Variants in KAT7 observed in about 807,000 individuals in gnomAD.
KAT7 encodes the protein lysine acetyltransferase 7, also known as histone acetyltransferase KAT7.
A neutral mutation model predicts 82.1 loss-of-function variants in KAT7; 10 were observed. The ratio of observed to expected loss-of-function variants is 0.12; its 90% confidence interval spans 0.08 to 0.21. KAT7 has a LOEUF of 0.21. Among genes scored for constraint, KAT7 ranks in the 10% least tolerant of loss-of-function variants. The probability of loss-of-function intolerance (pLI) is 1.00; values close to 1 mark genes in which losing one functional copy is unlikely to be tolerated. For synonymous variants in KAT7, 250 were observed against 262.5 expected (o/e 0.95, Z 0.46); for missense variants, 378 against 760.9 (o/e 0.50, Z 5.92).
intron 2 of KAT7, chr17:49,795,353 TG>T: frequency 5.1e-6 from 1 of 194,942 alleles, no homozygotes. Context: ...ATGGTGTTGT[TG>T]GAGAGTGAGC....
At chr17:49,799,283 A>G (rs2073993665) in intron 4 of KAT7, among the ~76,000 whole-genome samples, 1 of 152,176 alleles carries the variant, frequency 6.6e-6, no homozygotes, top group Non-Finnish European at 1.5e-5. Context: ...CTACTTCTCA[A>G]ATTCACCCTT....
At position 49,817,957 on chromosome 17, in the gene KAT7, G is replaced by A; in HGVS notation, c.1101G>A (p.Met367Ile). Residue 367 changes from methionine (M) to isoleucine (I), a missense_variant, in exon 9 of 15, where the codon ATG becomes ATA. Coordinates refer to ENST00000259021, the MANE Select transcript of KAT7 (RefSeq NM_007067.5). ...EEYARLGRLY[M>I]CEFCLKYMKS... ...ATGCACGGCTGGGACGTCTCTATAT[G>A]TGTGAATTCTGTTTAAAATATATGA... 1 of 1,613,916 alleles carries A rather than the reference G, an allele frequency of 6.2e-7. No individual in the cohort carries two copies.
chr17:49,826,222 A>G, intron 13 of KAT7, 76 bp downstream of exon 13: 1 of 1,446,022 alleles, frequency 6.9e-7, no homozygotes, highest in Non-Finnish European at 9.6e-7. Context: ...TTTCCCCTGA[A>G]TGTGAGAACG....
intron 11 of KAT7, among the ~76,000 whole-genome samples, 166 bp from the exon 12 acceptor site, chr17:49,823,036 G>A (rs927014253): frequency 6.6e-6 from 1 of 152,152 alleles, no homozygotes; most frequent in African/African-American, 2.4e-5. Context: ...TAATGGCTTT[G>A]GCCATGATAA....
intron 12 of KAT7, chr17:49,823,668 C>T (rs907774478): frequency 5.0e-5 from 9 of 179,492 alleles, no homozygotes. Flanking sequence ...CCCAATGGAC[C>T]CTGTGCATAA....
chr17:49,805,409 C>T lies in KAT7; in HGVS notation c.627C>T (p.Cys209=), dbSNP rs766092689. The part of the protein sequence containing the change: ...KHERHFSISG[C]PLYHNLSADE... Reference sequence around the variant, plus strand: ...AGAGACATTTCTCCATCTCAGGATGCCCACTGTATCATAACCTCTCAGCTG... The same window carrying T: ...AGAGACATTTCTCCATCTCAGGATGTCCACTGTATCATAACCTCTCAGCTG... Residue 209 remains cysteine, a synonymous_variant, in exon 5 of 15, where the codon TGC becomes TGT. Coordinates refer to ENST00000259021, the MANE Select transcript of KAT7 (RefSeq NM_007067.5). The T allele has an allele frequency of 1.9e-6, 3 of 1,612,840 alleles. No individual in the cohort carries two copies. The highest frequency in any genetic ancestry group is 2.5e-6 in the Non-Finnish European group (3 of 1,178,898).
chr17:49,831,118 C>CA lies in KAT7; in HGVS notation c.*3622dup, dbSNP rs1439892813. ...GCAGCATGGTGAAACCCCAGCTCTA[C>CA]AAAAAATAGAAAAATCAGACGTGGG... On this transcript the variant is annotated 3_prime_UTR_variant, in exon 15 of 15. Transcript: ENST00000259021. 2 of 152,060 alleles carry CA rather than the reference C, an allele frequency of 1.3e-5. No homozygotes were observed. The highest frequency in any genetic ancestry group is 4.8e-5 in the African/African-American group (2 of 41,364). The allele number at this position is 152,060 out of a possible 1,614,324, so 9.4% of individuals were successfully genotyped here. A position where few individuals can be genotyped will look rare whatever the true frequency, so the allele number is the denominator to read the frequency against.
chr17:49,825,317 CCATT>C (rs1165470706), intron 12 of KAT7, among the ~76,000 whole-genome samples: 1 of 152,156 alleles, frequency 6.6e-6, no homozygotes. Context: ...TCTGTTCTTA[CCATT>C]CAAAGATTTA....
intron 4 of KAT7, among the ~76,000 whole-genome samples, chr17:49,802,538 C>T (rs1182217753): frequency 2.0e-5 from 3 of 151,868 alleles, no homozygotes; most frequent in Admixed American, 6.6e-5. Context: ...GTGGTGGCGG[C>T]GCTTGTAATC....
chr17:49,807,416 A>G (rs1431528544), intron 5 of KAT7, among the ~76,000 whole-genome samples: 3 of 152,206 alleles, frequency 2.0e-5, no homozygotes, highest in African/African-American at 7.2e-5. Flanking sequence ...AAGTAGAAGC[A>G]ACAGCAAGTG....
rs542226719 is a variant in KAT7, at chr17:49,792,092, A to T, written c.163+59A>T. On this transcript the variant is annotated intron_variant, in intron 2 of 14. Transcript: ENST00000259021. ...CACATCTGGCTGACTGGCCCATCAC[A>T]TTATTTTCCTAGTTAATGTGGAAAC... The T allele has an allele frequency of 2.5e-5, 38 of 1,543,470 alleles. No homozygotes were observed. In the East Asian group the frequency reaches 8.7e-4, roughly 35 times the overall value.
At chr17:49,810,384 G>C (rs1268099944) in intron 6 of KAT7, among the ~76,000 whole-genome samples, 1 of 152,122 alleles carries the variant, frequency 6.6e-6, no homozygotes, top group African/African-American at 2.4e-5. Flanking sequence ...AGTCTCCCAA[G>C]TAGCTGGGAT....
Position 49,798,377 on chromosome 17 carries a change from G to A in KAT7, c.399G>A (p.Ala133=), listed in dbSNP as rs753493946. 67 of 1,613,966 alleles carry A rather than the reference G, an allele frequency of 4.2e-5. No homozygotes were observed. The highest frequency in any genetic ancestry group is 3.4e-4 in the South Asian group (31 of 91,084). The change falls in exon 4 of 15, where the codon GCG becomes GCA. Residue 133 remains alanine (A), a synonymous_variant. Transcript: ENST00000259021. ...CGCCTCGAACTCCAACTGGAAATGC[G>A]CCTTCTTCTGAGTCTGACATAGACA... The part of the protein sequence containing the change: ...ESPPRTPTGN[A]PSSESDIDIS...
At chr17:49,801,885 A>T (rs1284279979) in intron 4 of KAT7, among the ~76,000 whole-genome samples, 1 of 152,212 alleles carries the variant, frequency 6.6e-6, no homozygotes, top group Non-Finnish European at 1.5e-5. Flanking sequence ...ATTAAGTAAA[A>T]ATTGCCCTTA....
intron 7 of KAT7, among the ~76,000 whole-genome samples, chr17:49,814,415 G>C (rs1236229513): frequency 6.6e-6 from 1 of 152,118 alleles, no homozygotes; most frequent in East Asian, 1.9e-4. Flanking sequence ...TTGTTAGAAG[G>C]GTAATAAGAC....
rs1269579059 is a variant in KAT7, at chr17:49,827,509, C to G, written c.*7C>G. On this transcript the variant is annotated 3_prime_UTR_variant, in exon 15 of 15. Coordinates refer to ENST00000259021, the MANE Select transcript of KAT7 (RefSeq NM_007067.5). ...CCCTCCCAAGGGCACTTAAAGTGAC[C>G]TGTCATTCCGAGCCAGCGAACCCCA... is the stretch of plus-strand genomic sequence containing the variant. 6.4e-7 allele frequency: 1 copy of G among 1,563,536 alleles called. No homozygotes were observed. The highest frequency in any genetic ancestry group is 8.8e-7 in the Non-Finnish European group (1 of 1,134,132).
At chr17:49,795,069 G>A (rs1330880766) in intron 2 of KAT7, among the ~76,000 whole-genome samples, 3 of 150,734 alleles carry the variant, frequency 2.0e-5, no homozygotes, top group African/African-American at 4.9e-5. Flanking sequence ...GGCTGACACC[G>A]CGCCCTGGCC....
rs1227973297 is a variant in KAT7, at chr17:49,815,588, G to A, written c.853-215G>A. On this transcript the variant is annotated intron_variant, in intron 7 of 14. Transcript: ENST00000259021. ...GAAGCTCCCTTCTGGAGCTGTGGGAGCATTTCCTCTCCAGAATCACTGGGG... is the reference window on the plus strand; with the variant it reads ...GAAGCTCCCTTCTGGAGCTGTGGGAACATTTCCTCTCCAGAATCACTGGGG... The A allele has an allele frequency of 4.3e-5, 18 of 421,786 alleles. No individual in the cohort carries two copies. In the East Asian group the frequency reaches 6.3e-4, roughly 15 times the overall value. 26.1% of individuals were successfully genotyped at this position (421,786 alleles called of 1,614,324 possible).
At chr17:49,797,827 G>C (rs1486387586) in intron 3 of KAT7, among the ~76,000 whole-genome samples, 1 of 152,186 alleles carries the variant, frequency 6.6e-6, no homozygotes, top group East Asian at 1.9e-4. Context: ...CTGAGCCCCT[G>C]TAGGCATTTG....
Sources: allele counts gnomAD v4.1 joint callset (sites outside exome capture counted in the v4.1 genomes callset), GRCh38; gene constraint gnomAD v4.1.1; transcripts MANE v1.5; gene names NCBI Gene and HGNC (gene_info 2026-07-23, HGNC 2026-07-21).